The following TRIM55 variants were observed in gnomAD, a reference collection of about 807,000 sequenced individuals.
The protein encoded by TRIM55 is tripartite motif-containing protein 55.
A neutral mutation model predicts 60.9 loss-of-function variants in TRIM55; 50 were observed. The observed-to-expected ratio is 0.82, with a 90% CI of 0.65 to 1.04. The LOEUF (loss-of-function observed/expected upper bound fraction) is 1.04. Ranked by LOEUF, TRIM55 falls within the 50% of genes least tolerant of loss-of-function variation. The probability of loss-of-function intolerance (pLI) is 0.00; values close to 1 mark genes in which losing one functional copy is unlikely to be tolerated. For synonymous variants in TRIM55, 237 were observed against 238.1 expected (o/e 1.00, Z 0.04); for missense variants, 681 against 666.9 (o/e 1.02, Z -0.23).
chr8:66,128,479 A>T lies in TRIM55; in HGVS notation c.341+3A>T. ...ATCTACAAGCAGGAGTCCACCAGGT[A>T]ACACTCTTCCACTCTTCCATGTGTC... is the stretch of plus-strand genomic sequence containing the variant. On this transcript the variant is annotated splice_donor_region_variant and intron_variant, in intron 2 of 9. Coordinates refer to ENST00000315962, the MANE Select transcript of TRIM55 (RefSeq NM_184085.2). 1.9e-6 allele frequency: 3 copies of T among 1,611,654 alleles called. No homozygotes were observed. The highest frequency in any genetic ancestry group is 2.5e-6 in the Non-Finnish European group (3 of 1,179,096).
intron 9 of TRIM55, among the ~76,000 whole-genome samples, chr8:66,162,057 G>A (rs1231091451): frequency 6.6e-6 from 1 of 151,954 alleles, no homozygotes; most frequent in Non-Finnish European, 1.5e-5. Flanking sequence ...GTACTATGTT[G>A]AATAGAAATG....
chr8:66,113,468 C>CG, the TRIM55 span: 9 of 455,018 alleles, frequency 2.0e-5, no homozygotes, highest in Non-Finnish European at 3.5e-5. Flanking sequence ...GAGACAAGTG[C>CG]GGTTTTTTTC....
At chr8:66,170,314 A>G (rs1811552578) in intron 9 of TRIM55, among the ~76,000 whole-genome samples, 1 of 152,176 alleles carries the variant, frequency 6.6e-6, no homozygotes, top group Non-Finnish European at 1.5e-5. Flanking sequence ...TAGATACATC[A>G]TGTAAGTGGA....
chr8:66,128,395 T>G lies in TRIM55; in HGVS notation c.260T>G (p.Leu87Trp). Residue 87 changes from leucine (L) to tryptophan (W), a missense_variant, in exon 2 of 10, where the codon TTG becomes TGG. Physicochemically the swap from Leu to Trp is moderately conservative, Grantham distance 61. Coordinates refer to ENST00000315962, the MANE Select transcript of TRIM55 (RefSeq NM_184085.2). ...RCPSCRHEVV[L>W]DRHGVYGLQR... ...CCATCCTGTAGACATGAAGTGGTTT[T>G]GGATAGACATGGGGTATATGGACTT... 6.2e-7 allele frequency: 1 copy of G among 1,613,950 alleles called. No individual in the cohort carries two copies. Among genetic ancestry groups the G allele is most frequent in the Non-Finnish European group, 8.5e-7 (1 of 1,179,922 alleles).
At chr8:66,113,398 C>T in the TRIM55 span, 1 of 416,280 alleles carries the variant, frequency 2.4e-6, no homozygotes, top group Admixed American at 2.5e-5. Context: ...GAGCGGAGGA[C>T]TGTAGCTACT....
intron 4 of TRIM55, among the ~76,000 whole-genome samples, chr8:66,148,602 G>A (rs1810232031): frequency 6.6e-6 from 1 of 152,186 alleles, no homozygotes; most frequent in South Asian, 2.1e-4. Flanking sequence ...AACAAAGAAA[G>A]TGAGTGGTTT....
At position 66,128,381 on chromosome 8, in the gene TRIM55, A is replaced by C; in HGVS notation, c.246A>C (p.Arg82Ser). Residue 82 changes from arginine (R) to serine (S), a missense_variant, in exon 2 of 10, where the codon AGA (arginine) becomes AGC (serine). Physicochemically the swap from Arg to Ser is moderately radical, Grantham distance 110. Transcript: ENST00000315962. ...SGGRFRCPSC[R>S]HEVVLDRHGV... Reference sequence around the variant, plus strand: ...GCCGATTCCGCTGCCCATCCTGTAGACATGAAGTGGTTTTGGATAGACATG... The same window carrying C: ...GCCGATTCCGCTGCCCATCCTGTAGCCATGAAGTGGTTTTGGATAGACATG... 1 of 1,613,838 alleles carries C rather than the reference A, an allele frequency of 6.2e-7. No homozygotes were observed. Among genetic ancestry groups the C allele is most frequent in the Non-Finnish European group, 8.5e-7 (1 of 1,179,878 alleles).
Position 66,174,794 on chromosome 8 carries a change from A to G in TRIM55, c.*201A>G. The G allele has an allele frequency of 2.5e-6, 1 of 398,962 alleles. No individual in the cohort carries two copies. Among genetic ancestry groups the G allele is most frequent in the Non-Finnish European group, 4.3e-6 (1 of 234,012 alleles). 24.7% of individuals were successfully genotyped at this position (398,962 alleles called of 1,614,324 possible). A position where few individuals can be genotyped will look rare whatever the true frequency, so the allele number is the denominator to read the frequency against. ...AATATTTTGAGAAAATAGTTGCAGAAAGCACTGGAAATAATAAACTTGATC... is the reference window on the plus strand; with the variant it reads ...AATATTTTGAGAAAATAGTTGCAGAGAGCACTGGAAATAATAAACTTGATC... On this transcript the variant is annotated 3_prime_UTR_variant, in exon 10 of 10. Transcript: ENST00000315962.
At chr8:66,142,704 G>A (rs888495966) in intron 4 of TRIM55, among the ~76,000 whole-genome samples, 1 of 152,212 alleles carries the variant, frequency 6.6e-6, no homozygotes, top group Admixed American at 6.5e-5. Flanking sequence ...AAGAGCCTGA[G>A]TTTGGAAGAC....
intron 9 of TRIM55, among the ~76,000 whole-genome samples, chr8:66,167,512 T>C (rs559287904): frequency 6.6e-6 from 1 of 152,314 alleles, no homozygotes; most frequent in Admixed American, 6.5e-5. Context: ...ATCCCATCAA[T>C]TCCTGGACAA....
In TRIM55 at chr8:66,142,546, T is replaced by C. The variant is rs117038071; in HGVS notation, c.603+5356T>C. Among the ~76,000 whole-genome samples, 14 of 152,306 alleles carry C rather than the reference T, an allele frequency of 9.2e-5. No individual in the cohort carries two copies. In the East Asian group the frequency reaches 2.5e-3, roughly 27 times the overall value. ...ACAGGCCCACCTGGCCCTCAGCCCT[T>C]ATAGCGTCTACTCAAGAAGATTCTA... On this transcript the variant is annotated intron_variant, in intron 4 of 9. Coordinates refer to ENST00000315962, the MANE Select transcript of TRIM55 (RefSeq NM_184085.2).
the TRIM55 span, among the ~76,000 whole-genome samples, chr8:66,116,564 G>A: frequency 1.7e-4 from 18 of 106,724 alleles, no homozygotes; most frequent in Admixed American, 2.9e-4. Context: ...CAGTGATTGC[G>A]CCACTGCACT....
chr8:66,167,038 T>A (rs551862603), intron 9 of TRIM55, among the ~76,000 whole-genome samples: 1 of 152,248 alleles, frequency 6.6e-6, no homozygotes, highest in Non-Finnish European at 1.5e-5. Flanking sequence ...TTCAGTTGCA[T>A]CCCATGCTGT....
At chr8:66,136,350 A>G (rs1373801861) in intron 3 of TRIM55, among the ~76,000 whole-genome samples, 2 of 152,190 alleles carry the variant, frequency 1.3e-5, no homozygotes, top group Non-Finnish European at 2.9e-5. Context: ...TGCAGCTTTA[A>G]AATATTTTAT....
the TRIM55 span, among the ~76,000 whole-genome samples, chr8:66,114,151 T>C: frequency 0.091 from 13,066 of 143,364 alleles, 939 homozygotes; most frequent in African/African-American, 0.2. Context: ...GTTCTGACCC[T>C]TCTCTAAAGG....
chr8:66,148,885 C>T, intron 4 of TRIM55, among the ~76,000 whole-genome samples: 1 of 152,212 alleles, frequency 6.6e-6, no homozygotes, highest in Non-Finnish European at 1.5e-5. Flanking sequence ...CCCATCTCTA[C>T]TAAAAATTCA....
At chr8:66,144,499 C>G (rs751906916) in intron 4 of TRIM55, among the ~76,000 whole-genome samples, 43 of 152,224 alleles carry the variant, frequency 2.8e-4, no homozygotes, top group Admixed American at 8.5e-4. Context: ...TCAGAGTATA[C>G]CCGGAGACCA....
chr8:66,166,809 G>A (rs1811353283), intron 9 of TRIM55, among the ~76,000 whole-genome samples: 1 of 152,200 alleles, frequency 6.6e-6, no homozygotes, highest in Non-Finnish European at 1.5e-5. Context: ...GGCATGCAGT[G>A]TAATGGAAGC....
At chr8:66,124,724 G>A (rs1271909265), upstream of TRIM55, among the ~76,000 whole-genome samples, 3 of 152,192 alleles carry the variant, frequency 2.0e-5, no homozygotes, top group Non-Finnish European at 4.4e-5. Context: ...AAATAAGATA[G>A]CTACAAAGAT....
Sources: gnomAD v4.1 joint callset for allele counts (sites outside exome capture counted in the v4.1 genomes callset) on GRCh38, gnomAD v4.1.1 for gene constraint, MANE v1.5 for transcripts, NCBI Gene and HGNC (gene_info 2026-07-23, HGNC 2026-07-21) for gene names.